The following RNF34 variants were observed in gnomAD, a reference collection of about 807,000 sequenced individuals.
The protein encoded by RNF34 is E3 ubiquitin-protein ligase RNF34.
A neutral mutation model predicts 37.9 loss-of-function variants in RNF34; 12 were observed. The ratio of observed to expected loss-of-function variants is 0.32; its 90% CI spans 0.20 to 0.51. The LOEUF is 0.51. Among genes scored for constraint, RNF34 ranks in the 20% least tolerant of loss-of-function variants. RNF34 has a pLI of 0.97. For missense variants in RNF34, 362 were observed against 472.7 expected (o/e 0.77, Z 2.17); for synonymous variants, 155 against 177.2 (o/e 0.87, Z 1.00).
chr12:121,417,814 T>C lies in RNF34; in HGVS notation c.536T>C (p.Phe179Ser). 1 of 1,614,134 alleles carries C rather than the reference T, an allele frequency of 6.2e-7. No individual in the cohort carries two copies. The highest frequency in any genetic ancestry group is 1.1e-5 in the South Asian group (1 of 91,076). The change falls in exon 3 of 6, where the codon TTT becomes TCT. Residue 179 changes from phenylalanine to serine, a missense_variant. By Grantham distance (155) the Phe-to-Ser change is radical. Transcript: ENST00000361234. This position sits in a 1 kb window ranked among gnomAD's most constrained non-coding sequence, Gnocchi z 5.0. ...ACTTCTAGCTTTTTTACACGTTCGT[T>C]TTTTTCAAACTATACAGCCCCCTCT... ...SQTSSFFTRS[F>S]FSNYTAPSAT...
chr12:121,419,785 C>CT (rs1871949508), intron 3 of RNF34: 1 of 155,334 alleles, frequency 6.4e-6, no homozygotes, highest in Non-Finnish European at 1.4e-5. Flanking sequence ...ATTAGATTGT[C>CT]TAAGTACGCT....
chr12:121,410,370 C>G (rs1870937091), intron 1 of RNF34, among the ~76,000 whole-genome samples: 1 of 152,006 alleles, frequency 6.6e-6, no homozygotes, highest in Admixed American at 6.6e-5. Context: ...AACCCCGTCT[C>G]TACTAAAAAT....
rs1871587902 is a variant in RNF34 at position 121,416,503 on chromosome 12, C to T, written c.225+126C>T. ...ATATCAAAAGCTTAGTTCCATTAGC[C>T]ATTTTCCATCTAGAAAAATACTTAA... On this transcript the variant is annotated intron_variant, in intron 2 of 5. Coordinates refer to ENST00000361234, the MANE Select transcript of RNF34 (RefSeq NM_025126.4). The T allele has an allele frequency of 8.9e-6, 6 of 677,126 alleles. No homozygotes were observed. The Admixed American group carries it at 1.7e-4, about 19-fold the overall frequency. The allele number at this position is 677,126 out of a possible 1,614,324, so 41.9% of individuals were successfully genotyped here. A position where few individuals can be genotyped will look rare whatever the true frequency, so the allele number is the denominator to read the frequency against.
chr12:121,413,466 C>T (rs11065563), intron 1 of RNF34, among the ~76,000 whole-genome samples: 46,073 of 141,860 alleles, frequency 0.32, 8,690 homozygotes, highest in East Asian at 0.45. Flanking sequence ...AGCTGGAGTG[C>T]GGTGGCACAA....
intron 1 of RNF34, among the ~76,000 whole-genome samples, chr12:121,400,893 C>T (rs1555279919): frequency 6.6e-6 from 1 of 152,062 alleles, no homozygotes; most frequent in African/African-American, 2.4e-5. Flanking sequence ...GAAAGGGGAG[C>T]GGGGTTTCCG....
At chr12:121,402,159 C>T (rs117120114) in intron 1 of RNF34, among the ~76,000 whole-genome samples, 12 of 152,134 alleles carry the variant, frequency 7.9e-5, no homozygotes, top group Non-Finnish European at 1.5e-4. Flanking sequence ...TATACCTGGC[C>T]GGGTGCAATA....
chr12:121,420,326 G>T lies in RNF34; in HGVS notation c.718G>T (p.Glu240Ter). The change falls in exon 4 of 6, where the codon GAG (glutamate) becomes TAG (stop). Residue 240 changes from glutamate (E) to a stop codon, truncating the protein, a stop_gained. Coordinates refer to ENST00000361234, the MANE Select transcript of RNF34 (RefSeq NM_025126.4). LOFTEE classifies it high-confidence loss of function. The part of the protein sequence containing the change: ...EDDDDEEENA[E>*]DRNPGLSKER... Reference sequence around the variant, plus strand: ...TGATGATGATGAAGAAGAAAACGCAGAGGATCGGGTGAGGCCACCTATAAA... The same window carrying T: ...TGATGATGATGAAGAAGAAAACGCATAGGATCGGGTGAGGCCACCTATAAA... The T allele has an allele frequency of 1.3e-6, 2 of 1,567,010 alleles. No individual in the cohort carries two copies. Among genetic ancestry groups the T allele is most frequent in the Non-Finnish European group, 1.7e-6 (2 of 1,155,332 alleles).
At chr12:121,409,878 AGGCGTGGT>A (rs1255526174) in intron 1 of RNF34, 1 of 152,268 alleles carries the variant, frequency 6.6e-6, no homozygotes, top group Non-Finnish European at 1.5e-5. Context: ...GTTCATGGCC[AGGCGTGGT>A]GGCTCATACC....
At chr12:121,414,575 C>G (rs1283733189) in intron 1 of RNF34, among the ~76,000 whole-genome samples, 3 of 152,150 alleles carry the variant, frequency 2.0e-5, no homozygotes, top group Non-Finnish European at 4.4e-5. Context: ...TAGCAAATAG[C>G]CCTTACGCCT....
In RNF34 at chr12:121,400,229, G is replaced by A. The variant is rs781913200; in HGVS notation, c.6+11G>A. 3.7e-5 allele frequency: 59 copies of A among 1,608,304 alleles called. No individual in the cohort carries two copies. In the African/African-American group the frequency reaches 3.9e-4, roughly 11 times the overall value. On this transcript the variant is annotated intron_variant, in intron 1 of 5. Coordinates refer to ENST00000361234, the MANE Select transcript of RNF34 (RefSeq NM_025126.4). ...GTCGCGGCCATGAAGGTGAGGGGCC[G>A]GTGGAGCCGGACAGACCCTCCTCGC...
intron 3 of RNF34, among the ~76,000 whole-genome samples, chr12:121,419,716 A>C (rs929144955): frequency 6.6e-6 from 1 of 152,216 alleles, no homozygotes; most frequent in Non-Finnish European, 1.5e-5. Context: ...CTGATTGAGA[A>C]ATTTTAAAAA....
intron 1 of RNF34, among the ~76,000 whole-genome samples, chr12:121,402,399 A>G (rs1002403021): frequency 3.9e-5 from 6 of 152,216 alleles, no homozygotes; most frequent in Admixed American, 1.3e-4. Context: ...TGGTTTTAGT[A>G]TATGTACGGA....
rs782049545 is a variant in RNF34 at position 121,417,945 on chromosome 12, G to A, written c.633+34G>A. 1.3e-5 allele frequency: 20 copies of A among 1,597,294 alleles called. No homozygotes were observed. The highest frequency in any genetic ancestry group is 1.7e-4 in the Middle Eastern group (1 of 5,958). On this transcript the variant is annotated intron_variant, in intron 3 of 5. Coordinates refer to ENST00000361234, the MANE Select transcript of RNF34 (RefSeq NM_025126.4). This position sits in a 1 kb window ranked among gnomAD's most constrained non-coding sequence, Gnocchi z 5.0. ...GGGTAACTAATTACACCCAGGGCCC[G>A]GCACGCTTATTCTTGGCCGTATATG...
At chr12:121,401,724 T>C (rs1202577218) in intron 1 of RNF34, among the ~76,000 whole-genome samples, 1 of 152,170 alleles carries the variant, frequency 6.6e-6, no homozygotes, top group Non-Finnish European at 1.5e-5. Context: ...ACAGGTCCAG[T>C]GTTGAAATTT....
At chr12:121,406,349 G>A (rs572374805) in intron 1 of RNF34, among the ~76,000 whole-genome samples, 57 of 150,322 alleles carry the variant, frequency 3.8e-4, no homozygotes, top group Non-Finnish European at 7.4e-4. Flanking sequence ...GTGCAGTGGC[G>A]TGATCTCAGC....
intron 1 of RNF34, among the ~76,000 whole-genome samples, chr12:121,410,601 CA>C (rs1255189622): frequency 2.6e-5 from 4 of 151,594 alleles, no homozygotes; most frequent in Admixed American, 2.6e-4. Context: ...ATACTAGTGA[CA>C]GGGGCTTCCC....
intron 1 of RNF34, 117 bp downstream of exon 1, chr12:121,400,335 G>A: frequency 1.6e-6 from 2 of 1,247,750 alleles, no homozygotes; most frequent in Non-Finnish European, 2.2e-6. Context: ...TCGGAGAGCT[G>A]CGCTGAGGGG....
intron 5 of RNF34, among the ~76,000 whole-genome samples, chr12:121,421,354 TAGAG>T (rs1275688154): frequency 1.4e-4 from 14 of 102,444 alleles, no homozygotes; most frequent in African/African-American, 5.5e-4. Flanking sequence ...CTGGGCAACA[TAGAG>T]AGATCCCATC....
In RNF34 at chr12:121,417,950, G is replaced by A. The variant is rs375341078; in HGVS notation, c.633+39G>A. 3.8e-5 allele frequency: 60 copies of A among 1,590,464 alleles called. No homozygotes were observed. The highest frequency in any genetic ancestry group is 1.9e-4 in the South Asian group (17 of 87,862). On this transcript the variant is annotated intron_variant, in intron 3 of 5. Transcript: ENST00000361234. The surrounding 1 kb of genome is among the most constrained non-coding windows in gnomAD (Gnocchi z 5.0). ...ACTAATTACACCCAGGGCCCGGCAC[G>A]CTTATTCTTGGCCGTATATGGTGGG...
Sources: gnomAD v4.1 joint callset for allele counts (sites outside exome capture counted in the v4.1 genomes callset) on GRCh38, gnomAD v4.1.1 for gene constraint, Gnocchi (gnomAD v3.1) non-coding constraint, MANE v1.5 for transcripts, NCBI Gene and HGNC (gene_info 2026-07-23, HGNC 2026-07-21) for gene names.